The following RANBP3L variants were observed in gnomAD, a reference collection of about 807,000 sequenced individuals.
RANBP3L encodes RAN binding protein 3 like, also known as ran-binding protein 3-like.
A neutral mutation model predicts 67.2 loss-of-function variants in RANBP3L; 56 were observed. The ratio of observed to expected loss-of-function variants is 0.83; its 90% CI spans 0.67 to 1.04. The LOEUF (loss-of-function observed/expected upper bound fraction) is 1.04, where lower values mean the gene tolerates loss of function less well. RANBP3L is among the 50% of genes least tolerant of loss of function. The probability of loss-of-function intolerance (pLI) is 0.00; values close to 1 mark genes in which losing one functional copy is unlikely to be tolerated. For synonymous variants in RANBP3L, 164 were observed against 181.4 expected (o/e 0.90, Z 0.77); for missense variants, 496 against 535.5 (o/e 0.93, Z 0.73).
chr5:36,297,446 C>T (rs1467648701), intron 1 of RANBP3L, among the ~76,000 whole-genome samples: 9 of 147,604 alleles, frequency 6.1e-5, no homozygotes, highest in Admixed American at 6.1e-4. Flanking sequence ...CACACACACA[C>T]GCACACACAC....
chr5:36,253,509 G>A, intron 12 of RANBP3L, 138 bp downstream of exon 12: 4 of 642,708 alleles, frequency 6.2e-6, no homozygotes, highest in South Asian at 4.0e-5. Context: ...TATGTCTTAT[G>A]CTATAAACAG....
chr5:36,250,296 T>C (rs1748504066), intron 13 of RANBP3L, among the ~76,000 whole-genome samples: 1 of 151,962 alleles, frequency 6.6e-6, no homozygotes, highest in Non-Finnish European at 1.5e-5. Context: ...AATAAACCAT[T>C]TGTTTAATAG....
rs762993867 is a variant in RANBP3L, at chr5:36,271,294, G to A, written c.109C>T (p.Gln37Ter). Reference protein sequence around the residue: ...RRQQEKSVIAQPIFVFEKGEQ... With the variant: ...RRQQEKSVIA ...CCCTTTTCAAAAACAAATATGGGTTGAGCAATGACAGATTTTTCTGTGAAA... is the reference window on the plus strand; with the variant it reads ...CCCTTTTCAAAAACAAATATGGGTTAAGCAATGACAGATTTTTCTGTGAAA... The change falls in exon 2 of 14, where the codon CAA (glutamine) becomes TAA (stop). Residue 37 changes from glutamine (Q) to a stop codon, truncating the protein, a stop_gained. Transcript: ENST00000296604. LOFTEE classifies it high-confidence loss of function. 3.2e-6 allele frequency: 5 copies of A among 1,586,068 alleles called. No homozygotes were observed. The highest frequency in any genetic ancestry group is 1.3e-5 in the African/African-American group (1 of 74,106).
Position 36,251,303 on chromosome 5 carries a change from A to C in RANBP3L, c.1354+10T>G. ...TAAACCTCTGAACTAACAAAACAAA[A>C]GCTATTTACCTGATCCATTTTTAGT... On this transcript the variant is annotated intron_variant, in intron 13 of 13. Transcript: ENST00000296604. The C allele has an allele frequency of 6.2e-7, 1 of 1,602,226 alleles. No individual in the cohort carries two copies. The highest frequency in any genetic ancestry group is 1.1e-5 in the South Asian group (1 of 89,446).
intron 4 of RANBP3L, chr5:36,268,054 C>T (rs1391568298): frequency 8.6e-6 from 4 of 465,854 alleles, no homozygotes; most frequent in African/African-American, 2.0e-5. Flanking sequence ...AGGTATTCTT[C>T]GATGCATACT....
In RANBP3L at chr5:36,257,535, G is replaced by A. The variant is rs1749078209; in HGVS notation, c.691C>T (p.Pro231Ser). The change falls in exon 9 of 14, where the codon CCT (proline) becomes TCT (serine). Residue 231 changes from proline (P) to serine (S), a missense_variant. Physicochemically the swap from Pro to Ser is moderately conservative, Grantham distance 74. Transcript: ENST00000296604. ...GCATATGAATCATTTTCAAGTTGAG[G>A]CTGGGTGAGTTTTTGAGTACCCTGA... ...RVLGTQKLTQ[P>S]QLENDSYAKE... The A allele has an allele frequency of 1.3e-6, 2 of 1,575,992 alleles. No individual in the cohort carries two copies. The highest frequency in any genetic ancestry group is 1.4e-5 in the African/African-American group (1 of 73,606).
At chr5:36,270,024 G>C in intron 2 of RANBP3L, 34 bp from the exon 3 acceptor site, 1 of 1,596,018 alleles carries the variant, frequency 6.3e-7, no homozygotes, top group Non-Finnish European at 8.6e-7. Context: ...GGAGAGCTGA[G>C]TATTTGCCTT....
intron 1 of RANBP3L, among the ~76,000 whole-genome samples, chr5:36,294,941 T>C (rs1209983139): frequency 1.3e-5 from 2 of 149,356 alleles, no homozygotes; most frequent in African/African-American, 4.9e-5. Context: ...TATATACATA[T>C]GTACACTACA....
At chr5:36,265,212 G>A (rs1749676986) in intron 5 of RANBP3L, 114 bp from the exon 6 acceptor site, 1 of 739,088 alleles carries the variant, frequency 1.4e-6, no homozygotes. Context: ...TGAGGGACTA[G>A]CGTTAATTAA....
intron 1 of RANBP3L, among the ~76,000 whole-genome samples, chr5:36,291,913 C>G (rs1273297814): frequency 1.5e-5 from 2 of 135,916 alleles, no homozygotes; most frequent in African/African-American, 5.6e-5. Context: ...TGGGTATATA[C>G]CCAGTAATGG....
At chr5:36,253,846 C>T in intron 11 of RANBP3L, 57 bp from the exon 12 acceptor site, 1 of 1,511,904 alleles carries the variant, frequency 6.6e-7, no homozygotes, top group Non-Finnish European at 8.9e-7. Context: ...GAGGAATTTA[C>T]CATTTTCAAA....
intron 12 of RANBP3L, 53 bp from the exon 13 acceptor site, chr5:36,251,552 T>C (rs1748596838): frequency 7.3e-7 from 1 of 1,375,310 alleles, no homozygotes. Context: ...TTAGCTACAT[T>C]TTACAGATTT....
rs150799200 is a variant in RANBP3L, at chr5:36,265,038, C to T, written c.401G>A (p.Arg134Gln). The change falls in exon 6 of 14, where the codon CGA (arginine) becomes CAA (glutamine). Residue 134 changes from arginine to glutamine, a missense_variant. By Grantham distance (43) the Arg-to-Gln change is conservative. Transcript: ENST00000296604. ...TGTTTTTCTTACTTTTGCACAACTT[C>T]GAGCTTGAGGTAGCTGCAAAATAGC... Reference protein sequence around the residue: ...RPAILQLPQARSCAKVRKTFG... With the variant: ...RPAILQLPQAQSCAKVRKTFG... 50 of 1,613,310 alleles carry T rather than the reference C, an allele frequency of 3.1e-5. No homozygotes were observed. Among genetic ancestry groups the T allele is most frequent in the Non-Finnish European group, 3.8e-5 (45 of 1,179,484 alleles).
intron 1 of RANBP3L, among the ~76,000 whole-genome samples, chr5:36,280,778 T>C (rs1750922972): frequency 6.6e-6 from 1 of 152,176 alleles, no homozygotes; most frequent in Admixed American, 6.5e-5. Flanking sequence ...CTCCATTATA[T>C]TTTACTATTG....
At chr5:36,269,562 T>C in intron 3 of RANBP3L, 95 bp from the exon 4 acceptor site, 1 of 756,562 alleles carries the variant, frequency 1.3e-6, no homozygotes, top group Non-Finnish European at 2.3e-6. Flanking sequence ...TTCTTTTGTC[T>C]ACACAGACCA....
chr5:36,276,000 C>A (rs143094219), intron 1 of RANBP3L, among the ~76,000 whole-genome samples: 85 of 152,212 alleles, frequency 5.6e-4, no homozygotes, highest in African/African-American at 2.0e-3. Context: ...GTCAGACTCC[C>A]AGAATTAGAG....
In RANBP3L at chr5:36,249,249, A is replaced by T. The variant is rs1748440002; in HGVS notation, c.*405T>A. The T allele has an allele frequency of 6.6e-6, 1 of 152,638 alleles. No individual in the cohort carries two copies. Among genetic ancestry groups the T allele is most frequent in the Non-Finnish European group, 1.5e-5 (1 of 68,304 alleles). The allele number at this position is 152,638 out of a possible 1,614,324, so 9.5% of individuals were successfully genotyped here. On this transcript the variant is annotated 3_prime_UTR_variant, in exon 14 of 14. Coordinates refer to ENST00000296604, the MANE Select transcript of RANBP3L (RefSeq NM_145000.5). ...CTATTTTTCAGAGAAATGACTCTGG[A>T]AATTTAGTAAAATATTTGTTTTGTG...
At chr5:36,284,225 A>G (rs1049944262) in intron 1 of RANBP3L, among the ~76,000 whole-genome samples, 2 of 152,186 alleles carry the variant, frequency 1.3e-5, no homozygotes, top group African/African-American at 4.8e-5. Context: ...TCACACCAGC[A>G]TCCCTTGTTA....
At chr5:36,264,921 G>A in intron 6 of RANBP3L, 38 bp downstream of exon 6, 1 of 1,572,246 alleles carries the variant, frequency 6.4e-7, no homozygotes, top group East Asian at 2.3e-5. Context: ...AGAAAGATGA[G>A]GGATTGAGGT....
Sources: allele counts gnomAD v4.1 joint callset (sites outside exome capture counted in the v4.1 genomes callset), GRCh38; gene constraint gnomAD v4.1.1; transcripts MANE v1.5; gene names NCBI Gene and HGNC (gene_info 2026-07-23, HGNC 2026-07-21).